Variants in FRMPD1 observed in about 807,000 individuals in gnomAD.
The protein encoded by FRMPD1 is FERM and PDZ domain-containing protein 1.
A neutral mutation model predicts 117.8 loss-of-function variants in FRMPD1; 76 were observed. That is an observed-to-expected ratio of 0.65 (90% CI 0.54 to 0.78). FRMPD1 has a LOEUF of 0.78. Among genes scored for constraint, FRMPD1 ranks in the 30% least tolerant of loss-of-function variants. The probability of loss-of-function intolerance (pLI) is 0.00; values close to 1 mark genes in which losing one functional copy is unlikely to be tolerated. For missense variants in FRMPD1, 1,786 were observed against 1,964.5 expected, an observed-to-expected ratio of 0.91 and a Z score of 1.72; for synonymous variants, 783 against 770.4, an observed-to-expected ratio of 1.02 and a Z score of -0.27.
chr9:37,746,601 C>G lies in FRMPD1; in HGVS notation c.4569C>G (p.Asn1523Lys). 6.2e-7 allele frequency: 1 copy of G among 1,613,978 alleles called. No individual in the cohort carries two copies. Among genetic ancestry groups the G allele is most frequent in the Non-Finnish European group, 8.5e-7 (1 of 1,179,978 alleles). ...CCCGGCACAGGGAGGCAGCGGGGAA[C>G]CTGAGGGATGTGGTGTACACCTACC... ...CSARHREAAG[N>K]LRDVVYTYHQ... The change falls in exon 16 of 16, where the codon AAC becomes AAG. Residue 1523 changes from asparagine (N) to lysine (K), a missense_variant. Asn to Lys is a moderately conservative substitution (Grantham distance 94). Transcript: ENST00000377765.
At chr9:37,695,231 AG>A (rs1822278056) in intron 2 of FRMPD1, among the ~76,000 whole-genome samples, 2 of 152,340 alleles carry the variant, frequency 1.3e-5, no homozygotes, top group Non-Finnish European at 2.9e-5. Context: ...AGGAACTATC[AG>A]ACTGTTTCCC....
chr9:37,700,451 C>T (rs1822491272), intron 2 of FRMPD1, among the ~76,000 whole-genome samples: 1 of 152,218 alleles, frequency 6.6e-6, no homozygotes, highest in Non-Finnish European at 1.5e-5. Context: ...TTTAAAATCA[C>T]TCAAGCTGAA....
chr9:37,638,975 T>C, the FRMPD1 span, among the ~76,000 whole-genome samples: 83,242 of 152,114 alleles, frequency 0.55, 23,431 homozygotes, highest in African/African-American at 0.68. Flanking sequence ...TTCGTAGCAC[T>C]CCCAGGTAAA....
the FRMPD1 span, among the ~76,000 whole-genome samples, chr9:37,635,536 C>T: frequency 6.6e-6 from 1 of 152,158 alleles, no homozygotes; most frequent in Non-Finnish European, 1.5e-5. Flanking sequence ...CTTTTCCTTG[C>T]AAAATGCCTG....
rs1296977353 is a variant in FRMPD1 at position 37,735,623 on chromosome 9, C to T, written c.1290C>T (p.Ser430=). ...AKYGISQVIN[S]KLNIMSTLAE... ...ATGGGATTAGCCAGGTTATCAATAG[C>T]AAACTCAACATCATGTCCACATTGG... The change falls in exon 13 of 16, where the codon AGC becomes AGT. Residue 430 remains serine, a synonymous_variant. Coordinates refer to ENST00000377765, the MANE Select transcript of FRMPD1 (RefSeq NM_014907.3). 6.8e-6 allele frequency: 11 copies of T among 1,613,522 alleles called. No individual in the cohort carries two copies. The highest frequency in any genetic ancestry group is 9.3e-6 in the Non-Finnish European group (11 of 1,179,544).
At chr9:37,647,392 G>A (rs1453395634), upstream of FRMPD1, among the ~76,000 whole-genome samples, 2 of 151,546 alleles carry the variant, frequency 1.3e-5, no homozygotes, top group Non-Finnish European at 2.9e-5. Context: ...GGCACCTGTA[G>A]TCCCAGCTAC....
At position 37,740,789 on chromosome 9, in the gene FRMPD1, T is replaced by C. The variant is rs1242988804; in HGVS notation, c.2261T>C (p.Leu754Pro). The change falls in exon 15 of 16, where the codon CTG becomes CCG. Residue 754 changes from leucine (L) to proline (P), a missense_variant. By Grantham distance (98) the Leu-to-Pro change is moderately conservative. Transcript: ENST00000377765. The surrounding 1 kb of genome is among the most constrained non-coding windows in gnomAD (Gnocchi z 4.2). ...EAQPSSMLEP[L>P]ALHPPLAFED... ...CAGCCCAGTTCCATGCTGGAACCCCTGGCCCTGCACCCACCACTGGCCTTT... is the reference window on the plus strand; with the variant it reads ...CAGCCCAGTTCCATGCTGGAACCCCCGGCCCTGCACCCACCACTGGCCTTT... 6.2e-7 allele frequency: 1 copy of C among 1,614,100 alleles called. No homozygotes were observed. Among genetic ancestry groups the C allele is most frequent in the East Asian group, 2.2e-5 (1 of 44,864 alleles).
At chr9:37,664,831 G>A (rs1821112872) in intron 1 of FRMPD1, among the ~76,000 whole-genome samples, 1 of 152,122 alleles carries the variant, frequency 6.6e-6, no homozygotes, top group South Asian at 2.1e-4. Context: ...AGTAATTGGG[G>A]GAAGTAGTTT....
chr9:37,733,710 G>GTTT lies in FRMPD1; in HGVS notation c.1123-13_1123-11dup. 1 of 1,531,370 alleles carries GTTT rather than the reference G, an allele frequency of 6.5e-7. No homozygotes were observed. The highest frequency in any genetic ancestry group is 9.0e-7 in the Non-Finnish European group (1 of 1,111,010). The allele number at this position is 1,531,370 out of a possible 1,614,324, so 94.9% of individuals were successfully genotyped here. A position where few individuals can be genotyped will look rare whatever the true frequency, so the allele number is the denominator to read the frequency against. ...CCAATGAATAACTCTGACTTCAAGT[G>GTTT]TTTTTTTTTCTCTATTAAGCAACTT... On this transcript the variant is annotated intron_variant, in intron 11 of 15. Transcript: ENST00000377765.
intron 1 of FRMPD1, among the ~76,000 whole-genome samples, chr9:37,663,805 A>G (rs142627827): frequency 2.0e-5 from 3 of 152,318 alleles, no homozygotes; most frequent in Admixed American, 1.3e-4. Context: ...ATCCTCTTGT[A>G]TACTTCAGAT....
chr9:37,714,685 C>T (rs968030559), intron 5 of FRMPD1, among the ~76,000 whole-genome samples: 2 of 150,938 alleles, frequency 1.3e-5, no homozygotes, highest in Non-Finnish European at 2.9e-5. Flanking sequence ...CTTGCTCTGT[C>T]ACCCAGGCTG....
intron 2 of FRMPD1, among the ~76,000 whole-genome samples, chr9:37,697,925 G>C (rs1463768984): frequency 6.6e-6 from 1 of 152,174 alleles, no homozygotes; most frequent in Non-Finnish European, 1.5e-5. Flanking sequence ...GACCAGCCTG[G>C]CCAACATAGT....
rs1465440025 is a variant in FRMPD1, at chr9:37,719,300, A to G, written c.516+124A>G. 4 of 669,598 alleles carry G rather than the reference A, an allele frequency of 6.0e-6. No individual in the cohort carries two copies. The African/African-American group carries it at 7.1e-5, about 12-fold the overall frequency. 41.5% of individuals were successfully genotyped at this position (669,598 alleles called of 1,614,324 possible). A position where few individuals can be genotyped will look rare whatever the true frequency, so the allele number is the denominator to read the frequency against. Reference sequence around the variant, plus strand: ...AGAGGAAGTGCAGTGTGTTTGCAAGAGGCTTTGTGCGCCCTCCCAGTCAGA... The same window carrying G: ...AGAGGAAGTGCAGTGTGTTTGCAAGGGGCTTTGTGCGCCCTCCCAGTCAGA... On this transcript the variant is annotated intron_variant, in intron 6 of 15. Transcript: ENST00000377765.
At chr9:37,646,677 A>G (rs1824146561), upstream of FRMPD1, among the ~76,000 whole-genome samples, 1 of 152,166 alleles carries the variant, frequency 6.6e-6, no homozygotes, top group Non-Finnish European at 1.5e-5. Flanking sequence ...AACCATAAGG[A>G]ATTTGATCAT....
chr9:37,609,631 C>T, the FRMPD1 span, among the ~76,000 whole-genome samples: 6 of 152,278 alleles, frequency 3.9e-5, no homozygotes, highest in Middle Eastern at 0.01. Context: ...AACCTTCCGC[C>T]CTCACCCCCT....
intron 2 of FRMPD1, among the ~76,000 whole-genome samples, chr9:37,693,566 C>A (rs984575674): frequency 9.9e-5 from 15 of 152,200 alleles, no homozygotes; most frequent in Non-Finnish European, 1.9e-4. Flanking sequence ...AGATGAAACA[C>A]CTAAGGCTCA....
chr9:37,641,135 A>G, the FRMPD1 span, among the ~76,000 whole-genome samples: 1 of 152,188 alleles, frequency 6.6e-6, no homozygotes, highest in Non-Finnish European at 1.5e-5. Flanking sequence ...TGATCTGCCC[A>G]CCGCAGCCTC....
upstream of FRMPD1, among the ~76,000 whole-genome samples, chr9:37,649,980 C>T (rs1486259200): frequency 2.0e-5 from 3 of 152,200 alleles, no homozygotes; most frequent in African/African-American, 7.2e-5. Flanking sequence ...TTAGAGCATG[C>T]CCTCTCCAGG....
chr9:37,646,180 A>G (rs1029239877), upstream of FRMPD1, among the ~76,000 whole-genome samples: 2 of 152,228 alleles, frequency 1.3e-5, no homozygotes, highest in African/African-American at 2.4e-5. Flanking sequence ...CTGTCTCATT[A>G]TATTTCTGCA....
Sources: allele counts gnomAD v4.1 joint callset (sites outside exome capture counted in the v4.1 genomes callset), GRCh38; gene constraint gnomAD v4.1.1; non-coding constraint Gnocchi (gnomAD v3.1); transcripts MANE v1.5; gene names NCBI Gene and HGNC (gene_info 2026-07-23, HGNC 2026-07-21).